Variants in PARL observed in about 807,000 individuals in gnomAD.
The protein encoded by PARL is presenilin-associated rhomboid-like protein, mitochondrial.
Under a neutral mutation model 51.6 loss-of-function variants are expected in PARL, and 44 were observed. The observed-to-expected ratio is 0.85, with a 90% confidence interval of 0.67 to 1.10. The LOEUF is 1.10. Among genes scored for constraint, PARL ranks in the 50% least tolerant of loss-of-function variants. PARL has a pLI of 0.00. For synonymous variants in PARL, 172 were observed against 164.0 expected, an observed-to-expected ratio of 1.05 and a Z score of -0.37; for missense variants, 441 against 469.5, an observed-to-expected ratio of 0.94 and a Z score of 0.56.
At chr3:183,826,855 G>A, downstream of PARL, 1 of 796,772 alleles carries the variant, frequency 1.3e-6, no homozygotes, top group Middle Eastern at 6.4e-4. Context: ...CGCAGGAAAA[G>A]AGAGCAGCTC....
chr3:183,866,616 T>A lies in PARL; in HGVS notation c.462+9A>T. 6.2e-7 allele frequency: 1 copy of A among 1,609,786 alleles called. No homozygotes were observed. The highest frequency in any genetic ancestry group is 2.2e-5 in the East Asian group (1 of 44,794). On this transcript the variant is annotated intron_variant, in intron 3 of 9. Transcript: ENST00000317096. ...TAACTAGAAGAAAGAAAGCAGTGTT[T>A]ATCTTTACCTCCTTTCTGAAGTCTC...
rs1157841881 is a variant in PARL at position 183,867,977 on chromosome 3, C to T, written c.209G>A (p.Ser70Asn). 6.2e-7 allele frequency: 1 copy of T among 1,614,072 alleles called. No individual in the cohort carries two copies. Among genetic ancestry groups the T allele is most frequent in the Non-Finnish European group, 8.5e-7 (1 of 1,179,902 alleles). The change falls in exon 2 of 10, where the codon AGT becomes AAT. Residue 70 changes from serine (S) to asparagine (N), a missense_variant. By Grantham distance (46) the Ser-to-Asn change is conservative (BLOSUM62 1). Coordinates refer to ENST00000317096, the MANE Select transcript of PARL (RefSeq NM_018622.7). ...VEPRRSDPGT[S>N]GEAYKRSALI... ...AGCACTTCTCTTGTATGCTTCACCA[C>T]TTGTCCCTGGGTCTGATCTTCGAGG...
At chr3:183,854,138 G>A (rs372140933) in intron 4 of PARL, among the ~76,000 whole-genome samples, 131 of 152,170 alleles carry the variant, frequency 8.6e-4, no homozygotes, top group African/African-American at 2.9e-3. Context: ...CCAGCCACTC[G>A]GTAGGCTGAG....
intron 9 of PARL, among the ~76,000 whole-genome samples, chr3:183,830,253 A>G (rs970485651): frequency 6.6e-6 from 1 of 152,222 alleles, no homozygotes; most frequent in African/African-American, 2.4e-5. Context: ...CTGTTCACAC[A>G]GCCTAACTGC....
intron 4 of PARL, among the ~76,000 whole-genome samples, chr3:183,859,639 A>G (rs1731578279): frequency 6.6e-6 from 1 of 152,140 alleles, no homozygotes; most frequent in South Asian, 2.1e-4. Flanking sequence ...GCACCCAGCT[A>G]GAAAGGGGTT....
At chr3:183,830,446 A>G (rs566610891) in intron 9 of PARL, among the ~76,000 whole-genome samples, 1 of 151,998 alleles carries the variant, frequency 6.6e-6, no homozygotes, top group African/African-American at 2.4e-5. Flanking sequence ...GCTGGGGAGC[A>G]CACTGCGCTC....
intron 4 of PARL, among the ~76,000 whole-genome samples, chr3:183,849,590 AAGTGTAGAGAG>A (rs1730328631): frequency 6.6e-6 from 1 of 152,164 alleles, no homozygotes; most frequent in Non-Finnish European, 1.5e-5. Context: ...CACCTTAAGA[AAGTGTAGAGAG>A]GAGCAAACTA....
At chr3:183,861,454 A>C (rs1307899347) in intron 4 of PARL, among the ~76,000 whole-genome samples, 2 of 152,348 alleles carry the variant, frequency 1.3e-5, no homozygotes, top group East Asian at 1.9e-4. Flanking sequence ...CTGCATTATC[A>C]ATGATAAAAA....
chr3:183,867,074 C>T (rs1281813257), intron 2 of PARL, among the ~76,000 whole-genome samples: 6 of 151,950 alleles, frequency 3.9e-5, no homozygotes, highest in South Asian at 2.1e-4. Flanking sequence ...CCTCCAGGCC[C>T]GGCTAATTTT....
rs1209103090 is a variant in PARL, at chr3:183,864,903, C to CT, written c.462+1721dup. Among the ~76,000 whole-genome samples, 712 of 121,342 alleles carry CT rather than the reference C, an allele frequency of 5.9e-3. 7 individuals are homozygous for CT. Among genetic ancestry groups the CT allele is most frequent in the South Asian group, 0.04 (151 of 3,790 alleles). The allele number at this position is 121,342 out of a possible 152,430, so 79.6% of individuals were successfully genotyped here. ...GAAAAGCTCTAAAAGCTCCATATTT[C>CT]TTTTTTTTTTTTTTTTTTCCGTATT... On this transcript the variant is annotated intron_variant, in intron 3 of 9. Coordinates refer to ENST00000317096, the MANE Select transcript of PARL (RefSeq NM_018622.7).
At chr3:183,854,730 GT>G (rs1349130456) in intron 4 of PARL, among the ~76,000 whole-genome samples, 179 of 122,884 alleles carry the variant, frequency 1.5e-3, no homozygotes, top group East Asian at 4.3e-3. Context: ...TATATTTCAT[GT>G]TTTTTTTTTT....
intron 4 of PARL, chr3:183,846,481 G>C: frequency 1.0e-6 from 1 of 972,518 alleles, no homozygotes; most frequent in Non-Finnish European, 1.2e-6. Context: ...CAACAAGAGG[G>C]AAACTGTCTC....
chr3:183,858,184 G>C (rs923320767), intron 4 of PARL, among the ~76,000 whole-genome samples: 4 of 152,180 alleles, frequency 2.6e-5, no homozygotes, highest in African/African-American at 9.7e-5. Context: ...CAGAAAAACA[G>C]TGACTGATTC....
intron 1 of PARL, among the ~76,000 whole-genome samples, chr3:183,880,751 G>A (rs73044605): frequency 0.021 from 3,214 of 152,056 alleles, 96 homozygotes; most frequent in African/African-American, 0.074. Context: ...AGAAGAAAAA[G>A]TTACACCAAT....
chr3:183,880,647 C>T (rs1302248093), intron 1 of PARL, among the ~76,000 whole-genome samples: 2 of 152,076 alleles, frequency 1.3e-5, no homozygotes, highest in Non-Finnish European at 2.9e-5. Flanking sequence ...GGTGATCCAC[C>T]CACCTCAGCC....
At chr3:183,842,801 C>G (rs1369471671) in intron 5 of PARL, among the ~76,000 whole-genome samples, 6 of 66,072 alleles carry the variant, frequency 9.1e-5, no homozygotes, top group African/African-American at 4.1e-4. Context: ...GAGCGAGACT[C>G]TATCTCAAAA....
chr3:183,882,396 C>CATAT (rs55713392), intron 1 of PARL, among the ~76,000 whole-genome samples: 113,673 of 146,504 alleles, frequency 0.78, 44,534 homozygotes, highest in East Asian at 0.96. Context: ...TATATATGCA[C>CATAT]ATATACACAC....
At chr3:183,850,199 G>C (rs1730397560) in intron 4 of PARL, among the ~76,000 whole-genome samples, 1 of 152,196 alleles carries the variant, frequency 6.6e-6, no homozygotes. Flanking sequence ...CTGGAAGCTA[G>C]AAGTCTGAAA....
At chr3:183,883,912 C>T (rs1734830192) in intron 1 of PARL, among the ~76,000 whole-genome samples, 1 of 152,200 alleles carries the variant, frequency 6.6e-6, no homozygotes, top group African/African-American at 2.4e-5. Flanking sequence ...CGATTATTTA[C>T]CACTGACTAT....
Sources: gnomAD v4.1 joint callset for allele counts (sites outside exome capture counted in the v4.1 genomes callset) on GRCh38, gnomAD v4.1.1 for gene constraint, MANE v1.5 for transcripts, NCBI Gene and HGNC (gene_info 2026-07-23, HGNC 2026-07-21) for gene names.